The following MBOAT4 variants were observed in gnomAD, a reference collection of about 807,000 sequenced individuals.
MBOAT4 encodes the protein membrane-bound ghrelin O-acyltransferase MBOAT4.
MBOAT4 carries 11 observed loss-of-function variants against 13.2 expected under a neutral mutation model. The ratio of observed to expected loss-of-function variants is 0.84; its 90% CI spans 0.53 to 1.38. The LOEUF is 1.38. Ranked by LOEUF, MBOAT4 falls within the 40% of genes most tolerant of loss-of-function variation. The pLI is 0.00. For missense variants in MBOAT4, 481 were observed against 527.2 expected, an observed-to-expected ratio of 0.91 and a Z score of 0.86; for synonymous variants, 202 against 210.3, an observed-to-expected ratio of 0.96 and a Z score of 0.34.
At chr8:30,143,893 C>T (rs766041729) in intron 1 of MBOAT4, among the ~76,000 whole-genome samples, 1 of 152,182 alleles carries the variant, frequency 6.6e-6, no homozygotes, top group South Asian at 2.1e-4. Context: ...CCTGTACCAT[C>T]GCAACAACCA....
At position 30,132,025 on chromosome 8, in the gene MBOAT4, C is replaced by A; in HGVS notation, c.1226G>T (p.Cys409Phe). 1 of 1,551,892 alleles carries A rather than the reference C, an allele frequency of 6.4e-7. No individual in the cohort carries two copies. Among genetic ancestry groups the A allele is most frequent in the South Asian group, 1.2e-5 (1 of 84,064 alleles). Residue 409 changes from cysteine (C) to phenylalanine (F), a missense_variant, in exon 3 of 3, where the codon TGT becomes TTT. By Grantham distance (205) the Cys-to-Phe change is radical. Transcript: ENST00000320542. ...VRSLSSLWLL[C>F]NSYNSVFPMV... ...GGGAAAGACACTGTTGTACGAATTA[C>A]AGAGCAACCAGAGAGAGGAGAGACT...
Position 30,132,383 on chromosome 8 carries a change from T to A in MBOAT4, c.868A>T (p.Ile290Phe). 6.4e-7 allele frequency: 1 copy of A among 1,551,750 alleles called. No homozygotes were observed. Among genetic ancestry groups the A allele is most frequent in the Non-Finnish European group, 8.7e-7 (1 of 1,147,014 alleles). The change falls in exon 3 of 3, where the codon ATC becomes TTC. Residue 290 changes from isoleucine (I) to phenylalanine (F), a missense_variant. Ile to Phe is a conservative substitution (Grantham distance 21). Transcript: ENST00000320542. ...GEEGYVPDAD[I>F]WTLERTHRIS... ...CTGTGGGTTCTTTCCAGGGTCCAGA[T>A]GTCTGCATCGGGGACATATCCCTCC... is the stretch of plus-strand genomic sequence containing the variant.
At chr8:30,135,961 T>C (rs1030391123) in intron 2 of MBOAT4, among the ~76,000 whole-genome samples, 13 of 148,668 alleles carry the variant, frequency 8.7e-5, no homozygotes, top group Admixed American at 5.4e-4. Flanking sequence ...CACTCTACAG[T>C]CAGAAATGCT....
intron 2 of MBOAT4, among the ~76,000 whole-genome samples, chr8:30,135,214 C>T (rs879895008): frequency 3.8e-4 from 58 of 152,206 alleles, no homozygotes; most frequent in Non-Finnish European, 7.1e-4. Flanking sequence ...TTTAGGGAGA[C>T]TCTTCCTATT....
intron 2 of MBOAT4, among the ~76,000 whole-genome samples, chr8:30,135,501 A>G (rs190022901): frequency 6.6e-6 from 1 of 152,212 alleles, no homozygotes; most frequent in African/African-American, 2.4e-5. Context: ...TGAGGAATGG[A>G]TCACAATGTG....
At chr8:30,137,637 T>C in intron 2 of MBOAT4, 1 of 686,752 alleles carries the variant, frequency 1.5e-6, no homozygotes, top group Non-Finnish European at 2.4e-6. Flanking sequence ...GAAAGAAGTC[T>C]GACCTAACCA....
At chr8:30,144,431 C>T in intron 1 of MBOAT4, 52 bp downstream of exon 1, 1 of 1,354,248 alleles carries the variant, frequency 7.4e-7, no homozygotes, top group East Asian at 2.5e-5. Flanking sequence ...CCACCGCACC[C>T]AGTCACTATA....
chr8:30,134,905 G>A (rs933113273), intron 2 of MBOAT4, among the ~76,000 whole-genome samples: 25 of 144,686 alleles, frequency 1.7e-4, no homozygotes, highest in Non-Finnish European at 2.4e-4. Context: ...CCTGAGACAC[G>A]GTCTCACTCT....
intron 2 of MBOAT4, among the ~76,000 whole-genome samples, chr8:30,136,726 C>A (rs1376055750): frequency 6.8e-6 from 1 of 147,696 alleles, no homozygotes; most frequent in African/African-American, 2.6e-5. Context: ...TCTCTCCCCC[C>A]GAACTTTTTT....
At chr8:30,137,483 C>T (rs1803174863) in intron 2 of MBOAT4, 1 of 1,551,652 alleles carries the variant, frequency 6.4e-7, no homozygotes, top group Non-Finnish European at 8.7e-7. Context: ...CTGCTTTGCC[C>T]TCCCTCTCAG....
intron 1 of MBOAT4, among the ~76,000 whole-genome samples, chr8:30,144,051 G>A (rs143501541): frequency 4.2e-4 from 64 of 152,084 alleles, no homozygotes; most frequent in African/African-American, 1.4e-3. Flanking sequence ...GTGACAGTGA[G>A]AGTAAGTTAA....
intron 2 of MBOAT4, among the ~76,000 whole-genome samples, chr8:30,136,316 G>T (rs1340120259): frequency 1.3e-5 from 2 of 152,184 alleles, no homozygotes; most frequent in Non-Finnish European, 2.9e-5. Flanking sequence ...CACATGCACA[G>T]ACAGAGGAGT....
In MBOAT4 at chr8:30,132,261, T is replaced by C. The variant is rs905158002; in HGVS notation, c.990A>G (p.Thr330=). The change falls in exon 3 of 3, where the codon ACA becomes ACG. Residue 330 remains threonine (T), a synonymous_variant. Coordinates refer to ENST00000320542, the MANE Select transcript of MBOAT4 (RefSeq NM_001100916.2). ...QHSRAWPLLQ[T]FAFSAWWHGL... ...CATGCCACCAGGCAGAGAAGGCAAA[T>C]GTCTGCAACAACGGCCAAGCCCTGC... The C allele has an allele frequency of 7.7e-6, 12 of 1,551,548 alleles. No individual in the cohort carries two copies. The highest frequency in any genetic ancestry group is 1.0e-5 in the Non-Finnish European group (12 of 1,147,002).
At chr8:30,137,175 A>G (rs1028045077) in intron 2 of MBOAT4, 3 of 939,784 alleles carry the variant, frequency 3.2e-6, no homozygotes, top group African/African-American at 3.3e-5. Flanking sequence ...TGAGATCTCC[A>G]GATCACAAAG....
At chr8:30,143,589 G>A (rs1188749683) in intron 1 of MBOAT4, among the ~76,000 whole-genome samples, 1 of 151,936 alleles carries the variant, frequency 6.6e-6, no homozygotes, top group East Asian at 1.9e-4. Flanking sequence ...ATGTGTTGAG[G>A]TTATTTGATA....
intron 1 of MBOAT4, among the ~76,000 whole-genome samples, chr8:30,142,920 TC>T: frequency 6.6e-6 from 1 of 152,178 alleles, no homozygotes. Flanking sequence ...TATATAAAAA[TC>T]CTAATTCCCA....
intron 2 of MBOAT4, among the ~76,000 whole-genome samples, chr8:30,136,730 C>CTTTTT (rs11390350): frequency 7.0e-6 from 1 of 143,788 alleles, no homozygotes; most frequent in African/African-American, 2.6e-5. Context: ...TCCCCCCGAA[C>CTTTTT]TTTTTTTTTT....
intron 2 of MBOAT4, chr8:30,138,097 G>A (rs73224598): frequency 0.022 from 3,807 of 171,008 alleles, 57 homozygotes; most frequent in Non-Finnish European, 0.032. Flanking sequence ...AAGCGGCACT[G>A]TCAACTCACT....
Position 30,132,351 on chromosome 8 carries a change from A to T in MBOAT4, c.900T>A (p.Ser300=). The change falls in exon 3 of 3, where the codon TCT becomes TCA. Residue 300 remains serine, a synonymous_variant. Transcript: ENST00000320542. ...IWTLERTHRI[S]VFSRKWNQST... ...TTTGGTTCCACTTTCTTGAGAACAC[A>T]GATATCCTGTGGGTTCTTTCCAGGG... is the stretch of plus-strand genomic sequence containing the variant. 3 of 1,551,754 alleles carry T rather than the reference A, an allele frequency of 1.9e-6. No individual in the cohort carries two copies. The highest frequency in any genetic ancestry group is 2.6e-6 in the Non-Finnish European group (3 of 1,147,014).
Sources: gnomAD v4.1 joint callset for allele counts (sites outside exome capture counted in the v4.1 genomes callset) on GRCh38, gnomAD v4.1.1 for gene constraint, MANE v1.5 for transcripts, NCBI Gene and HGNC (gene_info 2026-07-23, HGNC 2026-07-21) for gene names.